Variants in LAMA2 observed in about 807,000 individuals in gnomAD.
The protein encoded by LAMA2 is laminin subunit alpha 2.
LAMA2 carries 269 observed loss-of-function variants against 364.8 expected under a neutral mutation model. That is an observed-to-expected ratio of 0.74 (90% CI 0.67 to 0.82). The LOEUF is 0.82. Among genes scored for constraint, LAMA2 ranks in the 40% least tolerant of loss-of-function variants. The pLI is 0.00. For missense variants in LAMA2, 3,807 were observed against 3,873.2 expected, an observed-to-expected ratio of 0.98 and a Z score of 0.45; for synonymous variants, 1,379 against 1,370.6, an observed-to-expected ratio of 1.01 and a Z score of -0.14.
At chr6:129,210,959 C>A (rs775994060) in intron 12 of LAMA2, among the ~76,000 whole-genome samples, 2 of 152,120 alleles carry the variant, frequency 1.3e-5, no homozygotes, top group African/African-American at 4.8e-5. Context: ...GGTTATAGCA[C>A]ATGGCAGAGT....
At position 129,009,030 on chromosome 6, in the gene LAMA2, C is replaced by T. The variant is rs1784607604; in HGVS notation, c.113-40888C>T. On this transcript the variant is annotated intron_variant, in intron 1 of 64. Transcript: ENST00000421865. The stretch of plus-strand genomic sequence containing the variant: ...CAAAAGCTCTTCTACAAGAGAATAT[C>T]TTCATTCATGTTAAACATATCAATA... 2.0e-5 allele frequency among the ~76,000 whole-genome samples: 3 copies of T among 152,102 alleles called. No homozygotes were observed. In the South Asian group the frequency reaches 6.2e-4, roughly 32 times the overall value.
At chr6:129,430,691 G>A (rs900001832) in intron 41 of LAMA2, among the ~76,000 whole-genome samples, 17 of 152,158 alleles carry the variant, frequency 1.1e-4, no homozygotes, top group East Asian at 3.9e-4. Flanking sequence ...AAGGCCGGGC[G>A]CAGTGGCTCA....
At chr6:129,228,726 G>A (rs866038330) in intron 12 of LAMA2, among the ~76,000 whole-genome samples, 16 of 152,120 alleles carry the variant, frequency 1.1e-4, no homozygotes, top group African/African-American at 3.6e-4. Context: ...GATTAGTCCA[G>A]TAAATGTAGG....
At chr6:128,985,136 G>C (rs1435198077) in intron 1 of LAMA2, among the ~76,000 whole-genome samples, 1 of 152,062 alleles carries the variant, frequency 6.6e-6, no homozygotes, top group Non-Finnish European at 1.5e-5. Context: ...TGATGTGCAT[G>C]GTCCTGAATG....
intron 9 of LAMA2, among the ~76,000 whole-genome samples, chr6:129,172,303 G>A (rs1161378893): frequency 6.6e-6 from 1 of 152,104 alleles, no homozygotes; most frequent in African/African-American, 2.4e-5. Context: ...CATCTTTGTG[G>A]TTTTATCTAC....
chr6:128,975,081 T>C (rs1782443417), intron 1 of LAMA2, among the ~76,000 whole-genome samples: 1 of 152,142 alleles, frequency 6.6e-6, no homozygotes, highest in South Asian at 2.1e-4. Context: ...CTTGATCTCC[T>C]GACCTCGTGA....
intron 12 of LAMA2, among the ~76,000 whole-genome samples, chr6:129,247,220 T>C (rs544211140): frequency 2.0e-5 from 3 of 151,822 alleles, no homozygotes; most frequent in African/African-American, 7.2e-5. Context: ...GAGACGGAGG[T>C]GAGTAGATTG....
intron 34 of LAMA2, among the ~76,000 whole-genome samples, chr6:129,376,950 T>C (rs1778407112): frequency 6.6e-6 from 1 of 152,168 alleles, no homozygotes; most frequent in South Asian, 2.1e-4. Context: ...ACATAATAGG[T>C]GTTAAGTCAA....
At position 129,280,203 on chromosome 6, in the gene LAMA2, C is replaced by A. The variant is rs371516594; in HGVS notation, c.2537+56C>A. 2.4e-5 allele frequency: 26 copies of A among 1,093,932 alleles called. No homozygotes were observed. The African/African-American group carries it at 3.7e-4, about 16-fold the overall frequency. 67.8% of individuals were successfully genotyped at this position (1,093,932 alleles called of 1,614,324 possible). ...GATTTCTACCTTGGGAGTTATAAAA[C>A]CGCAGATACAATCATCCTTTGCATC... On this transcript the variant is annotated intron_variant, in intron 18 of 64. Coordinates refer to ENST00000421865, the MANE Select transcript of LAMA2 (RefSeq NM_000426.4).
At position 129,175,875 on chromosome 6, in the gene LAMA2, G is replaced by A. The variant is rs565398553; in HGVS notation, c.1307-1831G>A. On this transcript the variant is annotated intron_variant, in intron 9 of 64. Transcript: ENST00000421865. Reference sequence around the variant, plus strand: ...AATTAACTATCATTAAAACATGTTTGTGGTAGTTCTTTGATAATTTGTCCT... The same window carrying A: ...AATTAACTATCATTAAAACATGTTTATGGTAGTTCTTTGATAATTTGTCCT... Among the ~76,000 whole-genome samples, 174 of 152,142 alleles carry A rather than the reference G, an allele frequency of 1.1e-3. 1 individual carries two copies. The highest frequency in any genetic ancestry group is 3.9e-3 in the African/African-American group (160 of 41,532).
intron 1 of LAMA2, among the ~76,000 whole-genome samples, chr6:128,994,443 C>T (rs968335624): frequency 2.0e-5 from 3 of 152,138 alleles, no homozygotes; most frequent in Non-Finnish European, 2.9e-5. Flanking sequence ...TGAAACACTA[C>T]GAGTTCTTAT....
Position 129,260,776 on chromosome 6 carries a change from TAGA to T in LAMA2, c.2165_2167del (p.Glu722del). On this transcript the variant is annotated inframe_deletion, in exon 15 of 65. Transcript: ENST00000421865. ...ACTGATGGAAGCATTGCAGCAGCTG[TAGA>T]AGTGTGTCAGTGCCCACCAGGGTAT... The T allele has an allele frequency of 6.2e-7, 1 of 1,612,760 alleles. No homozygotes were observed. Among genetic ancestry groups the T allele is most frequent in the Non-Finnish European group, 8.5e-7 (1 of 1,178,924 alleles).
At chr6:129,049,679 A>G (rs1787852140) in intron 1 of LAMA2, among the ~76,000 whole-genome samples, 3 of 152,168 alleles carry the variant, frequency 2.0e-5, no homozygotes, top group Admixed American at 6.5e-5. Context: ...AATATTAGAG[A>G]TAAAAAATTA....
At chr6:129,173,067 C>T (rs1013476647) in intron 9 of LAMA2, among the ~76,000 whole-genome samples, 2 of 152,214 alleles carry the variant, frequency 1.3e-5, no homozygotes, top group African/African-American at 4.8e-5. Flanking sequence ...CCTGCGCCCA[C>T]TGTCTGGCAT....
intron 1 of LAMA2, among the ~76,000 whole-genome samples, chr6:129,018,059 TAC>T (rs1785189347): frequency 6.6e-6 from 1 of 151,836 alleles, no homozygotes; most frequent in South Asian, 2.1e-4. Flanking sequence ...TGGAAAAAAC[TAC>T]AGACTTTGTC....
chr6:129,396,402 AAGAC>A (rs1206070603), intron 37 of LAMA2, among the ~76,000 whole-genome samples: 1 of 152,216 alleles, frequency 6.6e-6, no homozygotes, highest in Non-Finnish European at 1.5e-5. Context: ...AATTGGAAGA[AAGAC>A]AGAGCAACAG....
chr6:129,062,361 A>G (rs1254004388), intron 3 of LAMA2, among the ~76,000 whole-genome samples: 3 of 152,140 alleles, frequency 2.0e-5, no homozygotes, highest in African/African-American at 7.2e-5. Flanking sequence ...AATAGTCTGA[A>G]TCCAGACCCA....
At chr6:129,466,876 G>A (rs1702143720) in intron 51 of LAMA2, among the ~76,000 whole-genome samples, 1 of 151,824 alleles carries the variant, frequency 6.6e-6, no homozygotes, top group Non-Finnish European at 1.5e-5. Flanking sequence ...AAGCCATAGG[G>A]ATACCGAGAA....
At position 129,100,683 on chromosome 6, in the gene LAMA2, A is replaced by T. The variant is rs75020414; in HGVS notation, c.639+2268A>T. Among the ~76,000 whole-genome samples, 30 of 152,324 alleles carry T rather than the reference A, an allele frequency of 2.0e-4. No homozygotes were observed. In the East Asian group the frequency reaches 4.4e-3, roughly 23 times the overall value. On this transcript the variant is annotated intron_variant, in intron 4 of 64. Transcript: ENST00000421865. ...TAAACTTAAAAATGGTTCAGAGGAG[A>T]TACAATATTGCTGGATCTAATGTAA...
Sources: gnomAD v4.1 joint callset for allele counts (sites outside exome capture counted in the v4.1 genomes callset) on GRCh38, gnomAD v4.1.1 for gene constraint, MANE v1.5 for transcripts, NCBI Gene and HGNC (gene_info 2026-07-23, HGNC 2026-07-21) for gene names.